GDI2: variants seen among roughly 807,000 people sequenced by gnomAD.
GDI2 encodes GDP dissociation inhibitor 2.
GDI2 carries 22 observed loss-of-function variants against 54.2 expected under a neutral mutation model. The ratio of observed to expected loss-of-function variants is 0.41; its 90% CI spans 0.29 to 0.58. The LOEUF (loss-of-function observed/expected upper bound fraction) is 0.58, where lower values mean the gene tolerates loss of function less well. GDI2 is among the 20% of genes least tolerant of loss of function. The pLI is 0.35. For missense variants in GDI2, 422 were observed against 546.0 expected, an observed-to-expected ratio of 0.77 and a Z score of 2.26; for synonymous variants, 177 against 182.1, an observed-to-expected ratio of 0.97 and a Z score of 0.23.
intron 2 of GDI2, among the ~76,000 whole-genome samples, chr10:5,800,147 T>C (rs761568120): frequency 6.6e-6 from 1 of 152,184 alleles, no homozygotes; most frequent in African/African-American, 2.4e-5. Context: ...GGAAATGCTA[T>C]GTGTCCACGT....
chr10:5,802,331 C>T (rs1841288470), intron 1 of GDI2, among the ~76,000 whole-genome samples: 2 of 151,992 alleles, frequency 1.3e-5, no homozygotes, highest in Admixed American at 1.3e-4. Flanking sequence ...CCGGGCACAG[C>T]TGCTCACACC....
At chr10:5,811,299 G>GA (rs1841476032) in intron 1 of GDI2, among the ~76,000 whole-genome samples, 1 of 152,132 alleles carries the variant, frequency 6.6e-6, no homozygotes, top group Admixed American at 6.6e-5. Context: ...AATGACAGCA[G>GA]AAACAGGTCT....
intron 1 of GDI2, among the ~76,000 whole-genome samples, chr10:5,810,403 C>G (rs1841460448): frequency 6.6e-6 from 1 of 152,102 alleles, no homozygotes; most frequent in African/African-American, 2.4e-5. Context: ...CCATAGTGAA[C>G]TATGTGCAAA....
Position 5,768,067 on chromosome 10 carries a change from GAGGAGGTACAAAGATT to G in GDI2, c.991+130_991+145del. 2 of 627,922 alleles carry G rather than the reference GAGGAGGTACAAAGATT, an allele frequency of 3.2e-6. No individual in the cohort carries two copies. Among genetic ancestry groups the G allele is most frequent in the East Asian group, 5.5e-5 (2 of 36,516 alleles). The allele number at this position is 627,922 out of a possible 1,614,324, so 38.9% of individuals were successfully genotyped here. On this transcript the variant is annotated intron_variant, in intron 8 of 10. Transcript: ENST00000380191. This position sits in a 1 kb window ranked among gnomAD's most constrained non-coding sequence, Gnocchi z 4.4. ...CGTTGACACAATGCTGCCGGAGCAG[GAGGAGGTACAAAGATT>G]TTTTTCCCCCATATGTAAACCAAGG...
At chr10:5,802,749 A>T (rs1171401781) in intron 1 of GDI2, among the ~76,000 whole-genome samples, 1 of 152,254 alleles carries the variant, frequency 6.6e-6, no homozygotes, top group Non-Finnish European at 1.5e-5. Context: ...GTCAACATTA[A>T]GACCCACTTT....
intron 1 of GDI2, among the ~76,000 whole-genome samples, chr10:5,810,340 C>A (rs1329389813): frequency 2.0e-5 from 3 of 152,182 alleles, no homozygotes; most frequent in African/African-American, 7.2e-5. Context: ...ACTAGTTACT[C>A]TTATTGTTTT....
rs938988418 is a variant in GDI2 at position 5,776,518 on chromosome 10, T to G, written c.720-2577A>C. On this transcript the variant is annotated intron_variant, in intron 6 of 10. Transcript: ENST00000380191. This position sits in a 1 kb window ranked among gnomAD's most constrained non-coding sequence, Gnocchi z 5.3. ...AGCAAAGGCCCGAAAGATAAAACAA[T>G]TATAGAGAAGCAGATTTGAAGAGGC... 11 of 1,442,314 alleles carry G rather than the reference T, an allele frequency of 7.6e-6. No individual in the cohort carries two copies. In the African/African-American group the frequency reaches 1.5e-4, roughly 20 times the overall value. The allele number at this position is 1,442,314 out of a possible 1,614,324, so 89.3% of individuals were successfully genotyped here.
intron 4 of GDI2, among the ~76,000 whole-genome samples, chr10:5,794,185 AAAAAT>A (rs1488302469): frequency 2.6e-3 from 120 of 46,824 alleles, no homozygotes; most frequent in Non-Finnish European, 3.8e-3. Flanking sequence ...AAAAAAAAAA[AAAAAT>A]ATATATATAT....
At chr10:5,782,417 T>C (rs1840779683) in intron 6 of GDI2, among the ~76,000 whole-genome samples, 1 of 152,238 alleles carries the variant, frequency 6.6e-6, no homozygotes, top group Non-Finnish European at 1.5e-5. Context: ...TTACAGTTTC[T>C]TATGAATTCA....
intron 3 of GDI2, 62 bp downstream of exon 3, chr10:5,796,701 T>C (rs1841154228): frequency 7.1e-6 from 6 of 846,124 alleles, no homozygotes; most frequent in African/African-American, 1.7e-5. Context: ...TGTCAAAAGT[T>C]AGTTTTGATA....
At chr10:5,770,874 G>A (rs1356784393) in intron 7 of GDI2, among the ~76,000 whole-genome samples, 13 of 146,488 alleles carry the variant, frequency 8.9e-5, no homozygotes, top group Middle Eastern at 3.4e-3. Context: ...GTTGAGGCAG[G>A]AGAATTGCTT....
Position 5,813,270 on chromosome 10 carries a change from C to A in GDI2, c.-12G>T. The A allele has an allele frequency of 6.4e-7, 1 of 1,568,298 alleles. No homozygotes were observed. ...TACTCCTCATTCATGGCGGGGCAGG[C>A]GCGGACGCAGGACCCGAGCAAGGAA... On this transcript the variant is annotated 5_prime_UTR_variant, in exon 1 of 11. Transcript: ENST00000380191.
At position 5,785,947 on chromosome 10, in the gene GDI2, C is replaced by A; in HGVS notation, c.492G>T (p.Lys164Asn). ...DPRTFEGIDP[K>N]KTTMRDVYKK... ...TATACACATCTCGCATTGTGGTCTT[C>A]TTAGGATCAATGCCTTCAAAAGTTC... is the stretch of plus-strand genomic sequence containing the variant. The change falls in exon 5 of 11, where the codon AAG (lysine) becomes AAT (asparagine). Residue 164 changes from lysine to asparagine, a missense_variant. Lys to Asn is a moderately conservative substitution (Grantham distance 94). Transcript: ENST00000380191. The A allele has an allele frequency of 6.2e-7, 1 of 1,610,996 alleles. No individual in the cohort carries two copies. Among genetic ancestry groups the A allele is most frequent in the East Asian group, 2.2e-5 (1 of 44,852 alleles).
intron 1 of GDI2, among the ~76,000 whole-genome samples, chr10:5,809,048 C>G (rs535514753): frequency 6.6e-6 from 1 of 152,172 alleles, no homozygotes; most frequent in Admixed American, 6.5e-5. Context: ...AGTTCGAGAC[C>G]AGCCTGATCA....
At chr10:5,780,244 AC>A (rs953788767) in intron 6 of GDI2, among the ~76,000 whole-genome samples, 4 of 151,246 alleles carry the variant, frequency 2.6e-5, no homozygotes, top group African/African-American at 7.3e-5. Context: ...AAACAAAAAA[AC>A]AGACCAAACT....
chr10:5,800,805 C>T (rs1841252050), intron 1 of GDI2, 100 bp from the exon 2 acceptor site: 5 of 717,272 alleles, frequency 7.0e-6, no homozygotes, highest in African/African-American at 3.5e-5. Context: ...TTAGTAATTA[C>T]ACTTATATTC....
intron 2 of GDI2, 32 bp downstream of exon 2, chr10:5,800,566 T>G: frequency 4.8e-5 from 45 of 945,448 alleles, no homozygotes; most frequent in Non-Finnish European, 7.7e-5. Flanking sequence ...TCACAAAGTG[T>G]GAGAGGCGTA....
At chr10:5,767,518 TCTCA>T (rs1300177599) in intron 8 of GDI2, among the ~76,000 whole-genome samples, 1 of 152,048 alleles carries the variant, frequency 6.6e-6, no homozygotes, top group African/African-American at 2.4e-5. Flanking sequence ...AGAGACGAGC[TCTCA>T]CTATGTTACC....
At position 5,794,889 on chromosome 10, in the gene GDI2, T is replaced by G. The variant is rs948340048; in HGVS notation, c.384A>C (p.Ala128=). The G allele has an allele frequency of 1.3e-6, 2 of 1,599,012 alleles. No individual in the cohort carries two copies. Among genetic ancestry groups the G allele is most frequent in the South Asian group, 2.2e-5 (2 of 90,578 alleles). The change falls in exon 4 of 11, where the codon GCA becomes GCC. Residue 128 remains alanine, a synonymous_variant. Coordinates refer to ENST00000380191, the MANE Select transcript of GDI2 (RefSeq NM_001494.4). ...KVPSTEAEAL[A]SSLMGLFEKR... ...AGAGAAAATAAAACTACTTACTAGATGCCAGGGCTTCTGCTTCAGTGGAAG... is the reference window on the plus strand; with the variant it reads ...AGAGAAAATAAAACTACTTACTAGAGGCCAGGGCTTCTGCTTCAGTGGAAG...
Sources: allele counts gnomAD v4.1 joint callset (sites outside exome capture counted in the v4.1 genomes callset), GRCh38; gene constraint gnomAD v4.1.1; non-coding constraint Gnocchi (gnomAD v3.1); transcripts MANE v1.5; gene names NCBI Gene and HGNC (gene_info 2026-07-23, HGNC 2026-07-21).